Variants in ATXN10 observed in about 807,000 individuals in gnomAD.
ATXN10 encodes ataxin-10.
ATXN10 carries 28 observed loss-of-function variants against 52.9 expected under a neutral mutation model. The ratio of observed to expected loss-of-function variants is 0.53; its 90% CI spans 0.39 to 0.73. The LOEUF (loss-of-function observed/expected upper bound fraction) is 0.73. Ranked by LOEUF, ATXN10 falls within the 30% of genes least tolerant of loss-of-function variation. The pLI is 0.00. For missense variants in ATXN10, 565 were observed against 577.0 expected (o/e 0.98, Z 0.21); for synonymous variants, 226 against 221.5 (o/e 1.02, Z -0.18).
rs1185634520 is a variant in ATXN10 at position 45,789,616 on chromosome 22, T to G, written c.1174-17343T>G. On this transcript the variant is annotated intron_variant, in intron 9 of 11. Transcript: ENST00000252934. The surrounding 1 kb of genome is among the most constrained non-coding windows in gnomAD (Gnocchi z 4.0). ...TTAGGGGTTAGTATGTTAATACAGC[T>G]CTCTCCACGACAAGAAGAAGAGAGG... is the stretch of plus-strand genomic sequence containing the variant. Among the ~76,000 whole-genome samples, 1 of 152,178 alleles carries G rather than the reference T, an allele frequency of 6.6e-6. No homozygotes were observed. Among genetic ancestry groups the G allele is most frequent in the Non-Finnish European group, 1.5e-5 (1 of 68,022 alleles).
chr22:45,720,672 C>G (rs935858078), intron 6 of ATXN10, among the ~76,000 whole-genome samples: 1 of 152,160 alleles, frequency 6.6e-6, no homozygotes, highest in African/African-American at 2.4e-5. Context: ...CTACTATCAA[C>G]AAACTGAAAA....
intron 5 of ATXN10, among the ~76,000 whole-genome samples, chr22:45,716,734 A>T (rs1449088513): frequency 6.6e-6 from 1 of 152,202 alleles, no homozygotes; most frequent in Admixed American, 6.5e-5. Context: ...GTCCTGAGTA[A>T]GTAAGAAAGA....
At chr22:45,737,281 C>T (rs1006440329) in intron 7 of ATXN10, among the ~76,000 whole-genome samples, 4 of 152,204 alleles carry the variant, frequency 2.6e-5, no homozygotes, top group African/African-American at 9.7e-5. Flanking sequence ...TCTTTGTTGT[C>T]TGCTATGACA....
intron 9 of ATXN10, among the ~76,000 whole-genome samples, chr22:45,804,170 C>A (rs1002714222): frequency 2.0e-5 from 3 of 152,188 alleles, no homozygotes; most frequent in African/African-American, 7.2e-5. Context: ...TCTGTTCCTA[C>A]AAACTGACAG....
At position 45,733,277 on chromosome 22, in the gene ATXN10, G is replaced by A. The variant is rs766263112; in HGVS notation, c.894+3687G>A. Among the ~76,000 whole-genome samples the A allele has an allele frequency of 3.3e-5, 5 of 152,130 alleles. No individual in the cohort carries two copies. The highest frequency in any genetic ancestry group is 7.4e-5 in the Non-Finnish European group (5 of 68,022). ...TAGGCCATACTGTAGTACCTGTTATGCAGTAGGTATTACATATTTAATTAC... is the reference window on the plus strand; with the variant it reads ...TAGGCCATACTGTAGTACCTGTTATACAGTAGGTATTACATATTTAATTAC... On this transcript the variant is annotated intron_variant, in intron 7 of 11. Transcript: ENST00000252934. This position sits in a 1 kb window ranked among gnomAD's most constrained non-coding sequence, Gnocchi z 4.4.
rs537521061 is a variant in ATXN10 at position 45,779,766 on chromosome 22, G to T, written c.1174-27193G>T. ...GAAGACTTGAAATCTGTAGTTTGTG[G>T]TTTGTGATCTAGCAGAGATGAAATA... On this transcript the variant is annotated intron_variant, in intron 9 of 11. Coordinates refer to ENST00000252934, the MANE Select transcript of ATXN10 (RefSeq NM_013236.4). 7.2e-5 allele frequency among the ~76,000 whole-genome samples: 11 copies of T among 152,332 alleles called. No homozygotes were observed. The South Asian group carries it at 2.3e-3, about 32-fold the overall frequency.
rs528828303 is a variant in ATXN10 at position 45,732,375 on chromosome 22, C to A, written c.894+2785C>A. Among the ~76,000 whole-genome samples, 1 of 151,906 alleles carries A rather than the reference C, an allele frequency of 6.6e-6. No individual in the cohort carries two copies. Among genetic ancestry groups the A allele is most frequent in the Admixed American group, 6.6e-5 (1 of 15,258 alleles). ...CGGTGAGGCTGAGGTGGGAGGCTTG[C>A]CTAAGCCCAGAAGATTGAGGCTGCA... On this transcript the variant is annotated intron_variant, in intron 7 of 11. Transcript: ENST00000252934. The surrounding 1 kb of genome is among the most constrained non-coding windows in gnomAD (Gnocchi z 4.5).
Position 45,718,369 on chromosome 22 carries a change from A to C in ATXN10, c.648-44A>C. 6.9e-7 allele frequency: 1 copy of C among 1,442,026 alleles called. No homozygotes were observed. Among genetic ancestry groups the C allele is most frequent in the African/African-American group, 1.4e-5 (1 of 71,558 alleles). 89.3% of individuals were successfully genotyped at this position (1,442,026 alleles called of 1,614,324 possible). Reference sequence around the variant, plus strand: ...AAGTAGATAAGGGCATGTCTCTTTTACTATGTTTCAAGTAACCAAACTTTC... The same window carrying C: ...AAGTAGATAAGGGCATGTCTCTTTTCCTATGTTTCAAGTAACCAAACTTTC... On this transcript the variant is annotated intron_variant, in intron 5 of 11. Transcript: ENST00000252934. The surrounding 1 kb of genome is among the most constrained non-coding windows in gnomAD (Gnocchi z 4.4).
At position 45,705,972 on chromosome 22, in the gene ATXN10, C is replaced by A. The variant is rs1290834185; in HGVS notation, c.647+3125C>A. ...GTCAGATCATCAGCCACATTCGATT[C>A]TCTTAGGAGCACAAACCCTGTTGTG... On this transcript the variant is annotated intron_variant, in intron 5 of 11. Transcript: ENST00000252934. This position sits in a 1 kb window ranked among gnomAD's most constrained non-coding sequence, Gnocchi z 5.2. 6.6e-6 allele frequency among the ~76,000 whole-genome samples: 1 copy of A among 152,194 alleles called. No homozygotes were observed. Among genetic ancestry groups the A allele is most frequent in the African/African-American group, 2.4e-5 (1 of 41,442 alleles).
At position 45,783,797 on chromosome 22, in the gene ATXN10, A is replaced by G; in HGVS notation, c.1174-23162A>G. 6.6e-6 allele frequency among the ~76,000 whole-genome samples: 1 copy of G among 152,224 alleles called. No individual in the cohort carries two copies. The highest frequency in any genetic ancestry group is 1.9e-4 in the East Asian group (1 of 5,200). ...GGTGCCAGGTGTTAGCACACAGAGA[A>G]ATAGGTCTTGGAAAAAGGACCTGAA... On this transcript the variant is annotated intron_variant, in intron 9 of 11. Transcript: ENST00000252934. The surrounding 1 kb of genome is among the most constrained non-coding windows in gnomAD (Gnocchi z 5.0).
chr22:45,737,372 G>T (rs1864257292), intron 7 of ATXN10, among the ~76,000 whole-genome samples: 1 of 152,128 alleles, frequency 6.6e-6, no homozygotes, highest in African/African-American at 2.4e-5. Context: ...TAACAATCTG[G>T]GCAGCTACAC....
intron 9 of ATXN10, chr22:45,792,735 A>G (rs1927558569): frequency 4.6e-6 from 2 of 439,278 alleles, no homozygotes; most frequent in South Asian, 1.9e-5. Flanking sequence ...ATTTTTAACT[A>G]TAAACAAGCC....
chr22:45,729,786 C>A, intron 7 of ATXN10, 196 bp downstream of exon 7: 2 of 672,968 alleles, frequency 3.0e-6, no homozygotes, highest in South Asian at 1.5e-5. Flanking sequence ...GAGTCAATGA[C>A]TTAGGCAAAT....
chr22:45,836,417 TCTCCTGC>T (rs563281896), intron 10 of ATXN10, among the ~76,000 whole-genome samples: 3 of 152,254 alleles, frequency 2.0e-5, no homozygotes, highest in South Asian at 4.1e-4. Flanking sequence ...CCCCTCCCTG[TCTCCTGC>T]CTCCTGCCTT....
At chr22:45,796,752 G>T (rs980787264) in intron 9 of ATXN10, among the ~76,000 whole-genome samples, 1 of 152,196 alleles carries the variant, frequency 6.6e-6, no homozygotes, top group Non-Finnish European at 1.5e-5. Context: ...CCCACCTTCC[G>T]CCTCCCAAAG....
rs1555886633 is a variant in ATXN10, at chr22:45,672,194, C to CA, written c.116+15_116+16insA. On this transcript the variant is annotated intron_variant, in intron 1 of 11. Transcript: ENST00000252934. ...CAGCGGAACCGGTAACGGGTCCGGC[C>CA]GGGGGGCTGCCCCGGGCAGGGGAGG... 12 of 1,523,262 alleles carry CA rather than the reference C, an allele frequency of 7.9e-6. No homozygotes were observed. The South Asian group carries it at 1.3e-4, about 17-fold the overall frequency. The allele number at this position is 1,523,262 out of a possible 1,614,324, so 94.4% of individuals were successfully genotyped here. A position where few individuals can be genotyped will look rare whatever the true frequency, so the allele number is the denominator to read the frequency against.
intron 9 of ATXN10, among the ~76,000 whole-genome samples, chr22:45,796,622 C>T (rs190474529): frequency 2.1e-4 from 32 of 152,218 alleles, no homozygotes; most frequent in African/African-American, 2.2e-4. Context: ...TCAGACCGGC[C>T]GACACTTAAG....
In ATXN10 at chr22:45,820,909, G is replaced by A. The variant is rs546482055; in HGVS notation, c.1237+13887G>A. 2.6e-5 allele frequency among the ~76,000 whole-genome samples: 4 copies of A among 152,296 alleles called. No individual in the cohort carries two copies. Among genetic ancestry groups the A allele is most frequent in the East Asian group, 3.9e-4 (2 of 5,188 alleles). ...GTGGACAGAAGCCAGGGAAAAGCACGAATAGAAATGGTTCGAGTTTCTATG... is the reference window on the plus strand; with the variant it reads ...GTGGACAGAAGCCAGGGAAAAGCACAAATAGAAATGGTTCGAGTTTCTATG... On this transcript the variant is annotated intron_variant, in intron 10 of 11. Transcript: ENST00000252934. The surrounding 1 kb of genome is among the most constrained non-coding windows in gnomAD (Gnocchi z 4.9).
In ATXN10 at chr22:45,842,536, C is replaced by G. The variant is rs187046181; in HGVS notation, c.1238-455C>G. ...TTAAAACAAGATGATTTTCCTGATT[C>G]TAACCTGACGTCTTTGTGACTGATT... On this transcript the variant is annotated intron_variant, in intron 10 of 11. Transcript: ENST00000252934. This position sits in a 1 kb window ranked among gnomAD's most constrained non-coding sequence, Gnocchi z 4.8. Among the ~76,000 whole-genome samples, 285 of 152,320 alleles carry G rather than the reference C, an allele frequency of 1.9e-3. No individual in the cohort carries two copies. Among genetic ancestry groups the G allele is most frequent in the African/African-American group, 6.3e-3 (262 of 41,554 alleles).
Sources: allele counts gnomAD v4.1 joint callset (sites outside exome capture counted in the v4.1 genomes callset), GRCh38; gene constraint gnomAD v4.1.1; non-coding constraint Gnocchi (gnomAD v3.1); transcripts MANE v1.5; gene names NCBI Gene and HGNC (gene_info 2026-07-23, HGNC 2026-07-21).